Variants in CHSY1 observed in about 807,000 individuals in gnomAD.
CHSY1 encodes chondroitin sulfate synthase 1.
A neutral mutation model predicts 59.8 loss-of-function variants in CHSY1; 13 were observed. The ratio of observed to expected loss-of-function variants is 0.22; its 90% CI spans 0.14 to 0.35. CHSY1 has a LOEUF of 0.35. Among genes scored for constraint, CHSY1 ranks in the 10% least tolerant of loss-of-function variants. CHSY1 has a pLI of 1.00. For missense variants in CHSY1, 947 were observed against 1,030.6 expected, an observed-to-expected ratio of 0.92 and a Z score of 1.11; for synonymous variants, 459 against 401.2, an observed-to-expected ratio of 1.14 and a Z score of -1.72.
chr15:101,208,827 A>G (rs1010353929), intron 2 of CHSY1, among the ~76,000 whole-genome samples: 3 of 152,242 alleles, frequency 2.0e-5, no homozygotes, highest in South Asian at 4.1e-4. Context: ...TAACTCATTA[A>G]ATAAAATAGG....
chr15:101,187,817 A>G (rs1234709648), intron 2 of CHSY1: 1 of 158,378 alleles, frequency 6.3e-6, no homozygotes, highest in African/African-American at 2.4e-5. Context: ...AAGTGCCTCC[A>G]TATCCTTCAA....
At chr15:101,193,854 C>T (rs1311809723) in intron 2 of CHSY1, among the ~76,000 whole-genome samples, 3 of 152,240 alleles carry the variant, frequency 2.0e-5, no homozygotes, top group Non-Finnish European at 4.4e-5. Context: ...ACAAAACCTG[C>T]TCTCTTGGCC....
Position 101,177,493 on chromosome 15 carries a change from T to C in CHSY1, c.2304A>G (p.Ala768=). 1 of 1,613,442 alleles carries C rather than the reference T, an allele frequency of 6.2e-7. No homozygotes were observed. Among genetic ancestry groups the C allele is most frequent in the Non-Finnish European group, 8.5e-7 (1 of 1,179,384 alleles). ...KQYKMCLGSK[A]STYGSTQQLA... ...GCTGCTGGGTGGACCCATAGGTCGA[T>C]GCTTTGGACCCCAAGCACATTTTGT... The change falls in exon 3 of 3, where the codon GCA becomes GCG. Residue 768 remains alanine, a synonymous_variant. Coordinates refer to ENST00000254190, the MANE Select transcript of CHSY1 (RefSeq NM_014918.5).
intron 2 of CHSY1, among the ~76,000 whole-genome samples, chr15:101,219,278 T>G (rs1301410552): frequency 6.6e-6 from 1 of 152,204 alleles, no homozygotes; most frequent in East Asian, 1.9e-4. Context: ...CCAAGTTAAG[T>G]GTCAGTTAGA....
chr15:101,190,417 A>G (rs2038428861), intron 2 of CHSY1, among the ~76,000 whole-genome samples: 1 of 152,234 alleles, frequency 6.6e-6, no homozygotes, highest in Admixed American at 6.5e-5. Context: ...GGCTGGAACA[A>G]CTGGACATCC....
chr15:101,217,696 T>C (rs1241340171), intron 2 of CHSY1, among the ~76,000 whole-genome samples: 1 of 152,126 alleles, frequency 6.6e-6, no homozygotes, highest in African/African-American at 2.4e-5. Flanking sequence ...TAAAAGCGTA[T>C]ATAATCCAAA....
At position 101,179,546 on chromosome 15, in the gene CHSY1, G is replaced by T. The variant is rs118168926; in HGVS notation, c.817-566C>A. Among the ~76,000 whole-genome samples, 540 of 152,326 alleles carry T rather than the reference G, an allele frequency of 3.5e-3. 4 individuals are homozygous for T. Among genetic ancestry groups the T allele is most frequent in the Non-Finnish European group, 6.1e-3 (413 of 68,032 alleles). ...GAGGATGCTGCAGGGATGAATCAAGGCTCTGCTGAGGTCTCTGGAAGCAAA... is the reference window on the plus strand; with the variant it reads ...GAGGATGCTGCAGGGATGAATCAAGTCTCTGCTGAGGTCTCTGGAAGCAAA... On this transcript the variant is annotated intron_variant, in intron 2 of 2. Transcript: ENST00000254190.
At chr15:101,215,952 T>C (rs2141263571) in intron 2 of CHSY1, among the ~76,000 whole-genome samples, 1 of 152,168 alleles carries the variant, frequency 6.6e-6, no homozygotes, top group Non-Finnish European at 1.5e-5. Context: ...ACATGAACAA[T>C]CATAAAAAGA....
At chr15:101,211,987 A>T (rs1053189901) in intron 2 of CHSY1, among the ~76,000 whole-genome samples, 3 of 152,182 alleles carry the variant, frequency 2.0e-5, no homozygotes, top group Non-Finnish European at 2.9e-5. Context: ...GGTAGGCAAA[A>T]GTCATGGACA....
At chr15:101,210,184 T>G (rs1166210030) in intron 2 of CHSY1, among the ~76,000 whole-genome samples, 1 of 152,218 alleles carries the variant, frequency 6.6e-6, no homozygotes, top group East Asian at 1.9e-4. Context: ...GATTAGCCAG[T>G]ACCTTTTATT....
intron 2 of CHSY1, among the ~76,000 whole-genome samples, chr15:101,212,157 G>C (rs1383007680): frequency 6.6e-6 from 1 of 152,184 alleles, no homozygotes; most frequent in Non-Finnish European, 1.5e-5. Flanking sequence ...AAAAGACTGA[G>C]AATGCCAAAC....
chr15:101,181,846 T>TA (rs1373377603), intron 2 of CHSY1, among the ~76,000 whole-genome samples: 2 of 152,208 alleles, frequency 1.3e-5, no homozygotes, highest in Non-Finnish European at 2.9e-5. Context: ...TTTTGACTCC[T>TA]AAAAAACTTA....
intron 2 of CHSY1, among the ~76,000 whole-genome samples, chr15:101,191,735 C>G (rs946575054): frequency 1.3e-5 from 2 of 151,762 alleles, no homozygotes; most frequent in Non-Finnish European, 2.9e-5. Context: ...AAAGCTCCTC[C>G]AAAAAACTTA....
rs368638696 is a variant in CHSY1, at chr15:101,215,967, TA to T, written c.816+19114del. 1.0e-3 allele frequency among the ~76,000 whole-genome samples: 158 copies of T among 152,224 alleles called. 3 individuals carry two copies. In the East Asian group the frequency reaches 0.027, roughly 26 times the overall value. ...ACATGAACAATCATAAAAAGAACAT[TA>T]AAAAAATCAAACCCAACCTCAGAGA... On this transcript the variant is annotated intron_variant, in intron 2 of 2. Coordinates refer to ENST00000254190, the MANE Select transcript of CHSY1 (RefSeq NM_014918.5).
At chr15:101,202,741 T>C (rs1337732498) in intron 2 of CHSY1, among the ~76,000 whole-genome samples, 5 of 152,224 alleles carry the variant, frequency 3.3e-5, no homozygotes, top group Non-Finnish European at 4.4e-5. Context: ...AAGGCTAACA[T>C]ATAAATAGTA....
At chr15:101,227,227 T>G (rs527974524) in intron 2 of CHSY1, among the ~76,000 whole-genome samples, 94 of 152,306 alleles carry the variant, frequency 6.2e-4, no homozygotes, top group Non-Finnish European at 1.2e-3. Flanking sequence ...TGGAAGCCAT[T>G]AGAGGGGTCA....
intron 2 of CHSY1, among the ~76,000 whole-genome samples, chr15:101,185,099 C>G (rs1456482363): frequency 2.0e-5 from 3 of 152,210 alleles, no homozygotes; most frequent in Admixed American, 1.3e-4. Context: ...AATTTCTGTA[C>G]AAAGCCTTGT....
Position 101,251,430 on chromosome 15 carries a change from C to A in CHSY1, c.27G>T (p.Trp9Cys). 2 of 1,090,672 alleles carry A rather than the reference C, an allele frequency of 1.8e-6. No individual in the cohort carries two copies. Among genetic ancestry groups the A allele is most frequent in the South Asian group, 2.2e-5 (1 of 44,954 alleles). The allele number at this position is 1,090,672 out of a possible 1,614,324, so 67.6% of individuals were successfully genotyped here. Residue 9 changes from tryptophan (W) to cysteine (C), a missense_variant, in exon 1 of 3, where the codon TGG (tryptophan) becomes TGT (cysteine). By Grantham distance (215) the Trp-to-Cys change is radical (BLOSUM62 -2). This residue lies in a region of CHSY1 where 232 missense variants were observed against 188.5 expected (regional missense o/e 1.23). Coordinates refer to ENST00000254190, the MANE Select transcript of CHSY1 (RefSeq NM_014918.5). The stretch of plus-strand genomic sequence containing the variant: ...GGACGAGCCCGAGCAGCACGCTGAG[C>A]CAGGCGCGCCGGCCGCGCGCGGCCA... Reference protein sequence around the residue: MAARGRRAWLSVLLGLVLG... With the variant: MAARGRRACLSVLLGLVLG...
At position 101,235,565 on chromosome 15, in the gene CHSY1, C is replaced by T. The variant is rs117481449; in HGVS notation, c.333G>A (p.Lys111=). 8,717 of 1,610,168 alleles carry T rather than the reference C, an allele frequency of 5.4e-3. 94 individuals carry two copies. The highest frequency in any genetic ancestry group is 0.045 in the Admixed American group (2,678 of 59,986). ...RAVAAYRTWS[K]TIPGKVQFFS... ...AGAACTGAACTTTCCCAGGAATTGT[C>T]TTGGACCATGTTCTGGAATTAAAAT... Residue 111 remains lysine (K), a synonymous_variant, in exon 2 of 3, where the codon AAG becomes AAA. Coordinates refer to ENST00000254190, the MANE Select transcript of CHSY1 (RefSeq NM_014918.5).
Sources: allele counts gnomAD v4.1 joint callset (sites outside exome capture counted in the v4.1 genomes callset), GRCh38; gene constraint gnomAD v4.1.1; regional missense constraint gnomAD v4.1.1; transcripts MANE v1.5; gene names NCBI Gene and HGNC (gene_info 2026-07-23, HGNC 2026-07-21).